The following MUSK variants were observed in gnomAD, a reference collection of about 807,000 sequenced individuals.
The protein encoded by MUSK is muscle, skeletal receptor tyrosine-protein kinase.
In MUSK, 55 loss-of-function variants were observed where a neutral mutation model predicts 88.7. That is an observed-to-expected ratio of 0.62 (90% CI 0.50 to 0.78). MUSK has a LOEUF of 0.78. Among genes scored for constraint, MUSK ranks in the 30% least tolerant of loss-of-function variants. The pLI is 0.00. For missense variants in MUSK, 1,015 were observed against 1,074.3 expected, an observed-to-expected ratio of 0.94 and a Z score of 0.77; for synonymous variants, 387 against 391.9, an observed-to-expected ratio of 0.99 and a Z score of 0.15.
At position 110,684,832 on chromosome 9, in the gene MUSK, C is replaced by A. The variant is rs576924620; in HGVS notation, c.206+2032C>A. Among the ~76,000 whole-genome samples the A allele has an allele frequency of 4.6e-5, 7 of 152,146 alleles. No homozygotes were observed. The South Asian group carries it at 1.5e-3, about 32-fold the overall frequency. Reference sequence around the variant, plus strand: ...TTTTGTACATTGATTTTGTATCCTGCAACTTCATTGAATTTATCAGTTCTA... The same window carrying A: ...TTTTGTACATTGATTTTGTATCCTGAAACTTCATTGAATTTATCAGTTCTA... On this transcript the variant is annotated intron_variant, in intron 2 of 14. Coordinates refer to ENST00000374448, the MANE Select transcript of MUSK (RefSeq NM_005592.4).
At chr9:110,707,789 C>A (rs2076617714) in intron 5 of MUSK, among the ~76,000 whole-genome samples, 1 of 152,158 alleles carries the variant, frequency 6.6e-6, no homozygotes, top group Admixed American at 6.5e-5. Flanking sequence ...CATGTTTAAA[C>A]AACTCCTTAT....
chr9:110,760,866 G>A (rs183480711), intron 7 of MUSK, among the ~76,000 whole-genome samples: 95 of 152,236 alleles, frequency 6.2e-4, no homozygotes, highest in African/African-American at 2.2e-3. Context: ...CAAGCTCATT[G>A]TATTTTAAGA....
chr9:110,774,079 C>T (rs939965296), intron 9 of MUSK, among the ~76,000 whole-genome samples: 1 of 152,066 alleles, frequency 6.6e-6, no homozygotes, highest in African/African-American at 2.4e-5. Flanking sequence ...CTCTGGTTCT[C>T]TTGCTAAGAA....
intron 6 of MUSK, among the ~76,000 whole-genome samples, chr9:110,736,687 T>C (rs1486779426): frequency 1.3e-5 from 2 of 152,240 alleles, no homozygotes; most frequent in East Asian, 1.9e-4. Flanking sequence ...TGTTTCCTTG[T>C]GTGCCTAGCT....
intron 6 of MUSK, among the ~76,000 whole-genome samples, chr9:110,740,988 G>A (rs1274581558): frequency 1.3e-5 from 2 of 152,144 alleles, no homozygotes; most frequent in South Asian, 4.1e-4. Context: ...AGGGATGGGA[G>A]GATGGGGAGA....
At chr9:110,683,422 A>G (rs904534369) in intron 2 of MUSK, among the ~76,000 whole-genome samples, 2 of 152,134 alleles carry the variant, frequency 1.3e-5, no homozygotes, top group Non-Finnish European at 2.9e-5. Flanking sequence ...GTTACTGAAA[A>G]CAGTGCTGCA....
intron 3 of MUSK, 45 bp downstream of exon 3, chr9:110,687,313 G>C (rs762438306): frequency 6.8e-6 from 11 of 1,606,954 alleles, no homozygotes; most frequent in Non-Finnish European, 8.5e-7. Context: ...AGTTGACTTG[G>C]TACACTTAGT....
intron 5 of MUSK, among the ~76,000 whole-genome samples, chr9:110,705,823 G>T (rs2076590882): frequency 6.6e-6 from 1 of 152,208 alleles, no homozygotes; most frequent in Admixed American, 6.5e-5. Context: ...GTTAAGCCCT[G>T]TCTCAGGCCC....
chr9:110,732,318 A>G (rs894057092), intron 5 of MUSK, among the ~76,000 whole-genome samples: 1 of 152,070 alleles, frequency 6.6e-6, no homozygotes, highest in Non-Finnish European at 1.5e-5. Context: ...GATGATGCAC[A>G]TGGACTCTAA....
At chr9:110,701,672 TTTATTTTTTTTA>T (rs1564230076) in intron 5 of MUSK, among the ~76,000 whole-genome samples, 2 of 27,230 alleles carry the variant, frequency 7.3e-5, no homozygotes, top group Admixed American at 2.1e-4. Flanking sequence ...TTTATTTTAT[TTTATTTTTTTTA>T]CTTTACTTTA....
intron 3 of MUSK, among the ~76,000 whole-genome samples, chr9:110,688,790 G>A (rs1435120504): frequency 6.6e-6 from 1 of 151,722 alleles, no homozygotes; most frequent in Non-Finnish European, 1.5e-5. Flanking sequence ...CAAAGGACAT[G>A]ATTTCATTCC....
intron 11 of MUSK, among the ~76,000 whole-genome samples, chr9:110,783,829 T>C (rs1262209567): frequency 1.3e-5 from 2 of 152,044 alleles, no homozygotes; most frequent in African/African-American, 2.4e-5. Flanking sequence ...TATGACTTTA[T>C]CTTTGAGCAC....
At chr9:110,783,116 T>G (rs2077790281) in intron 11 of MUSK, among the ~76,000 whole-genome samples, 1 of 152,222 alleles carries the variant, frequency 6.6e-6, no homozygotes, top group African/African-American at 2.4e-5. Flanking sequence ...TATTTTGACT[T>G]TGTAATATGT....
intron 14 of MUSK, among the ~76,000 whole-genome samples, chr9:110,797,292 C>CA (rs111652297): frequency 2.1e-5 from 3 of 146,246 alleles, no homozygotes; most frequent in East Asian, 2.1e-4. Flanking sequence ...AACAAACAAA[C>CA]AAAAAAAAAG....
intron 1 of MUSK, 67 bp downstream of exon 1, chr9:110,669,050 T>C: frequency 9.8e-6 from 13 of 1,329,140 alleles, no homozygotes; most frequent in Non-Finnish European, 1.4e-5. Flanking sequence ...ATATGAGATA[T>C]GACCAAGACT....
In MUSK at chr9:110,668,838, A is replaced by C. The variant is rs1018628051; in HGVS notation, c.-67A>C. ...TGCAACAAAGTATGCTTTAAAATGT[A>C]AACTGTGGAGCCATTTTCCTTGCGT... On this transcript the variant is annotated 5_prime_UTR_variant, in exon 1 of 15. An upstream open reading frame in the 5' UTR loses its in-frame stop. Transcript: ENST00000374448. 5 of 1,268,468 alleles carry C rather than the reference A, an allele frequency of 3.9e-6. No individual in the cohort carries two copies. The highest frequency in any genetic ancestry group is 5.8e-6 in the Non-Finnish European group (5 of 868,488). 78.6% of individuals were successfully genotyped at this position (1,268,468 alleles called of 1,614,324 possible). A position where few individuals can be genotyped will look rare whatever the true frequency, so the allele number is the denominator to read the frequency against.
intron 6 of MUSK, among the ~76,000 whole-genome samples, chr9:110,737,560 G>T (rs1351867576): frequency 6.6e-6 from 1 of 151,888 alleles, no homozygotes; most frequent in Non-Finnish European, 1.5e-5. Flanking sequence ...TTGTCTTTTA[G>T]TAGGCTATCA....
chr9:110,672,992 G>C (rs763916513), intron 1 of MUSK, among the ~76,000 whole-genome samples: 4 of 152,192 alleles, frequency 2.6e-5, no homozygotes, highest in Non-Finnish European at 5.9e-5. Flanking sequence ...AGAAGAAATA[G>C]TGCCCTAGTT....
chr9:110,679,866 CTTCT>C (rs1036911669), intron 1 of MUSK, among the ~76,000 whole-genome samples: 2 of 152,132 alleles, frequency 1.3e-5, no homozygotes, highest in Non-Finnish European at 2.9e-5. Flanking sequence ...GCATTTTAAA[CTTCT>C]TTCCTGAACT....
Sources: gnomAD v4.1 joint callset for allele counts (sites outside exome capture counted in the v4.1 genomes callset) on GRCh38, gnomAD v4.1.1 for gene constraint, MANE v1.5 for transcripts, NCBI Gene and HGNC (gene_info 2026-07-23, HGNC 2026-07-21) for gene names.